Variants in RGS7 observed in about 807,000 individuals in gnomAD.
RGS7 encodes regulator of G protein signaling 7.
In RGS7, 27 loss-of-function variants were observed where a neutral mutation model predicts 81.1. That is an observed-to-expected ratio of 0.33 (90% CI 0.25 to 0.46). The LOEUF is 0.46. Ranked by LOEUF, RGS7 falls within the 20% of genes least tolerant of loss-of-function variation. The pLI, the probability that RGS7 is intolerant of heterozygous loss-of-function variation, is 1.00. For synonymous variants in RGS7, 208 were observed against 207.7 expected, an observed-to-expected ratio of 1.00 and a Z score of -0.01; for missense variants, 396 against 607.4, an observed-to-expected ratio of 0.65 and a Z score of 3.66.
chr1:240,980,800 T>C (rs1171524029), intron 4 of RGS7, among the ~76,000 whole-genome samples: 3 of 152,154 alleles, frequency 2.0e-5, no homozygotes, highest in Non-Finnish European at 2.9e-5. Context: ...AATTACTTCA[T>C]TCAAAAAAAC....
At chr1:241,242,868 T>C (rs2076331413) in intron 2 of RGS7, among the ~76,000 whole-genome samples, 1 of 152,232 alleles carries the variant, frequency 6.6e-6, no homozygotes, top group Non-Finnish European at 1.5e-5. Context: ...TCCTTGTACA[T>C]TCTGGATATT....
chr1:241,063,903 G>A (rs1268697704), intron 3 of RGS7, among the ~76,000 whole-genome samples: 1 of 152,188 alleles, frequency 6.6e-6, no homozygotes, highest in Non-Finnish European at 1.5e-5. Flanking sequence ...ATCAAATAAA[G>A]CCGGGCGCGG....
intron 3 of RGS7, among the ~76,000 whole-genome samples, chr1:241,029,851 T>C (rs2059976662): frequency 5.3e-5 from 8 of 152,194 alleles, no homozygotes. Context: ...ATTAGCCTGA[T>C]CTTATTTCAT....
chr1:241,090,425 G>A (rs529795760), intron 3 of RGS7, among the ~76,000 whole-genome samples: 1 of 152,270 alleles, frequency 6.6e-6, no homozygotes, highest in Non-Finnish European at 1.5e-5. Context: ...TGTGCAGTTT[G>A]AGACTTCTTT....
At chr1:240,877,952 C>T (rs1484601710) in intron 6 of RGS7, among the ~76,000 whole-genome samples, 2 of 152,154 alleles carry the variant, frequency 1.3e-5, no homozygotes, top group Non-Finnish European at 2.9e-5. Flanking sequence ...GTCAGATAGT[C>T]AGTGTACTCA....
chr1:240,788,272 A>G (rs926719676), intron 18 of RGS7, among the ~76,000 whole-genome samples: 3 of 152,236 alleles, frequency 2.0e-5, no homozygotes, highest in Non-Finnish European at 4.4e-5. Flanking sequence ...ATATTTAATT[A>G]TAAACAGCTA....
intron 9 of RGS7, among the ~76,000 whole-genome samples, chr1:240,862,366 T>G (rs938926724): frequency 1.3e-5 from 2 of 152,220 alleles, no homozygotes; most frequent in Non-Finnish European, 2.9e-5. Context: ...AAGTATATTT[T>G]AAAGATTCTG....
chr1:241,190,936 G>C (rs946580892), intron 2 of RGS7, among the ~76,000 whole-genome samples: 1 of 152,068 alleles, frequency 6.6e-6, no homozygotes, highest in Non-Finnish European at 1.5e-5. Context: ...TAGTTTTCTT[G>C]CAGAGGGGAT....
rs1219574487 is a variant in RGS7, at chr1:240,868,103, G to GAAAGA, written c.609+479_609+483dup. On this transcript the variant is annotated intron_variant, in intron 9 of 18. Transcript: ENST00000440928. This position sits in a 1 kb window ranked among gnomAD's most constrained non-coding sequence, Gnocchi z 5.1. ...GAAAGAAAAAGAAAGAAAAGAAAAA[G>GAAAGA]AAAGAAAAGAAAAGGAAAGAAAGAA... Among the ~76,000 whole-genome samples the GAAAGA allele has an allele frequency of 9.9e-5, 13 of 131,444 alleles. No homozygotes were observed. Among genetic ancestry groups the GAAAGA allele is most frequent in the African/African-American group, 3.7e-4 (13 of 34,792 alleles). The allele number at this position is 131,444 out of a possible 152,430, so 86.2% of individuals were successfully genotyped here.
intron 9 of RGS7, among the ~76,000 whole-genome samples, chr1:240,843,359 A>G (rs1201094291): frequency 6.6e-6 from 1 of 151,560 alleles, no homozygotes; most frequent in Non-Finnish European, 1.5e-5. Flanking sequence ...TCAATTTCCT[A>G]GGCTCAGGTG....
At chr1:241,323,920 C>G (rs975516953) in intron 2 of RGS7, among the ~76,000 whole-genome samples, 3 of 152,200 alleles carry the variant, frequency 2.0e-5, no homozygotes, top group African/African-American at 7.2e-5. Flanking sequence ...AAAGCCCAGT[C>G]TGCCTGAGAC....
intron 4 of RGS7, among the ~76,000 whole-genome samples, chr1:240,950,672 G>A (rs564727711): frequency 6.6e-6 from 1 of 152,100 alleles, no homozygotes; most frequent in Non-Finnish European, 1.5e-5. Context: ...CATACCTATA[G>A]GCTATGGTAT....
chr1:241,237,362 G>C (rs12117171), intron 2 of RGS7, among the ~76,000 whole-genome samples: 9 of 151,996 alleles, frequency 5.9e-5, no homozygotes, highest in Admixed American at 3.9e-4. Flanking sequence ...CCTAGGCAAG[G>C]CCACAGGGTC....
intron 2 of RGS7, among the ~76,000 whole-genome samples, chr1:241,209,536 T>C (rs2074122450): frequency 6.6e-6 from 1 of 152,142 alleles, no homozygotes; most frequent in Non-Finnish European, 1.5e-5. Flanking sequence ...TTCTAATAAT[T>C]TAAAACTTAT....
At chr1:241,351,305 G>C (rs1435361977) in intron 2 of RGS7, among the ~76,000 whole-genome samples, 1 of 152,048 alleles carries the variant, frequency 6.6e-6, no homozygotes, top group Non-Finnish European at 1.5e-5. Flanking sequence ...TGTAGTCCCA[G>C]CTACTTGGGA....
intron 10 of RGS7, among the ~76,000 whole-genome samples, chr1:240,825,076 C>T (rs778320631): frequency 9.2e-5 from 14 of 152,128 alleles, no homozygotes; most frequent in Admixed American, 3.9e-4. Context: ...AAGGCGGCCC[C>T]GGCAGACTAC....
At chr1:240,932,977 G>T (rs528754745) in intron 5 of RGS7, among the ~76,000 whole-genome samples, 2 of 138,072 alleles carry the variant, frequency 1.4e-5, no homozygotes, top group Non-Finnish European at 3.1e-5. Context: ...TCCGCCTCCC[G>T]GGTTCACGCC....
chr1:240,958,988 G>T lies in RGS7; in HGVS notation c.227-22282C>A, dbSNP rs114572304. Among the ~76,000 whole-genome samples, 880 of 152,294 alleles carry T rather than the reference G, an allele frequency of 5.8e-3. 12 individuals carry two copies. The highest frequency in any genetic ancestry group is 0.02 in the African/African-American group (838 of 41,556). On this transcript the variant is annotated intron_variant, in intron 4 of 18. Coordinates refer to ENST00000440928, the MANE Select transcript of RGS7 (RefSeq NM_001364886.1). ...CTGCTTAAACTCTGTTTGCCTGGCC[G>T]TGCACACTTTACACCTGGTATAAGC...
intron 2 of RGS7, among the ~76,000 whole-genome samples, chr1:241,140,852 ATTAACT>A (rs2067873042): frequency 6.6e-6 from 1 of 152,206 alleles, no homozygotes; most frequent in South Asian, 2.1e-4. Flanking sequence ...AGTGCTAATG[ATTAACT>A]TAAAGTAGTT....
Sources: allele counts gnomAD v4.1 joint callset (sites outside exome capture counted in the v4.1 genomes callset), GRCh38; gene constraint gnomAD v4.1.1; non-coding constraint Gnocchi (gnomAD v3.1); transcripts MANE v1.5; gene names NCBI Gene and HGNC (gene_info 2026-07-23, HGNC 2026-07-21).